The following DCC variants were observed in gnomAD, a reference collection of about 807,000 sequenced individuals.
DCC encodes the protein DCC netrin 1 receptor.
In DCC, 58 loss-of-function variants were observed where a neutral mutation model predicts 172.5. That is an observed-to-expected ratio of 0.34 (90% CI 0.27 to 0.42). DCC has a LOEUF of 0.42. DCC is among the 10% of genes least tolerant of loss of function. The pLI is 1.00. For missense variants in DCC, 1,740 were observed against 1,791.0 expected (o/e 0.97, Z 0.51); for synonymous variants, 709 against 644.5 (o/e 1.10, Z -1.52).
At chr18:53,003,022 T>C (rs1357176080) in intron 5 of DCC, among the ~76,000 whole-genome samples, 1 of 152,122 alleles carries the variant, frequency 6.6e-6, no homozygotes, top group Non-Finnish European at 1.5e-5. Flanking sequence ...ATATATTTTG[T>C]TTTGTAGGAG....
chr18:52,983,781 T>A (rs2041249461), intron 5 of DCC, among the ~76,000 whole-genome samples: 1 of 152,092 alleles, frequency 6.6e-6, no homozygotes, highest in African/African-American at 2.4e-5. Context: ...GCTGCAGAAA[T>A]TTACATTTTA....
chr18:53,128,287 T>C (rs947258878), intron 7 of DCC, among the ~76,000 whole-genome samples: 15 of 152,138 alleles, frequency 9.9e-5, no homozygotes, highest in African/African-American at 3.6e-4. Context: ...TCTAAGTTTT[T>C]ATTGGTAGTC....
chr18:52,916,475 C>A (rs754904088), intron 3 of DCC, among the ~76,000 whole-genome samples: 7 of 152,132 alleles, frequency 4.6e-5, no homozygotes, highest in Non-Finnish European at 1.0e-4. Context: ...GTGAGAGTAG[C>A]AAATGAGACT....
At chr18:53,305,527 C>G in intron 12 of DCC, 51 bp from the exon 13 acceptor site, 1 of 1,489,890 alleles carries the variant, frequency 6.7e-7, no homozygotes, top group African/African-American at 1.4e-5. Flanking sequence ...TGACCCTGTC[C>G]CATTGTCCTT....
At chr18:52,789,236 G>T (rs1180107063) in intron 2 of DCC, among the ~76,000 whole-genome samples, 2 of 151,972 alleles carry the variant, frequency 1.3e-5, no homozygotes, top group Non-Finnish European at 2.9e-5. Flanking sequence ...TTAATTCCTG[G>T]GGTTTTGTGA....
intron 24 of DCC, among the ~76,000 whole-genome samples, chr18:53,463,433 T>TTAAG (rs2045583233): frequency 6.6e-6 from 1 of 152,128 alleles, no homozygotes; most frequent in Non-Finnish European, 1.5e-5. Flanking sequence ...TTATGTTAAA[T>TTAAG]TAAGTATTCT....
chr18:53,073,221 A>G (rs910582058), intron 7 of DCC, among the ~76,000 whole-genome samples: 1 of 150,318 alleles, frequency 6.7e-6, no homozygotes, highest in African/African-American at 2.5e-5. Context: ...GAAGAGGAAG[A>G]CAAATAAAAA....
At chr18:53,397,572 T>C (rs763147168) in intron 18 of DCC, 126 bp downstream of exon 18, 16 of 996,478 alleles carry the variant, frequency 1.6e-5, no homozygotes, top group African/African-American at 9.6e-5. Context: ...GTTCATCCTC[T>C]ATAGTTCATA....
intron 7 of DCC, among the ~76,000 whole-genome samples, chr18:53,151,860 T>C (rs1192588047): frequency 6.6e-6 from 1 of 152,168 alleles, no homozygotes; most frequent in Admixed American, 6.5e-5. Context: ...GTTTTAATTA[T>C]ACACAACCAT....
At position 53,041,011 on chromosome 18, in the gene DCC, T is replaced by C. The variant is rs187307559; in HGVS notation, c.986-22294T>C. 3.9e-4 allele frequency among the ~76,000 whole-genome samples: 60 copies of C among 152,180 alleles called. 1 individual carries two copies. The East Asian group carries it at 0.011, about 29-fold the overall frequency. On this transcript the variant is annotated intron_variant, in intron 5 of 28. Coordinates refer to ENST00000442544, the MANE Select transcript of DCC (RefSeq NM_005215.4). ...CCTGTTCACTCTGATTATAGCTTCT[T>C]TTGCTGTGCAGAAGCTCTTTAGTTT...
At position 52,899,692 on chromosome 18, in the gene DCC, C is replaced by T. The variant is rs149723883; in HGVS notation, c.413-6352C>T. 2.6e-5 allele frequency among the ~76,000 whole-genome samples: 4 copies of T among 151,822 alleles called. No individual in the cohort carries two copies. In the East Asian group the frequency reaches 7.8e-4, roughly 30 times the overall value. ...TTTTTTTTTTATAGAGACAGAATCT[C>T]TCTATCGTGACCAAGTTGGTCTCAA... On this transcript the variant is annotated intron_variant, in intron 2 of 28. Coordinates refer to ENST00000442544, the MANE Select transcript of DCC (RefSeq NM_005215.4).
intron 2 of DCC, among the ~76,000 whole-genome samples, chr18:52,798,850 T>A (rs1176779337): frequency 6.6e-6 from 1 of 151,994 alleles, no homozygotes; most frequent in Non-Finnish European, 1.5e-5. Flanking sequence ...CCTCCCAGGT[T>A]CCAGTAATTC....
At chr18:53,043,736 A>G (rs1251303263) in intron 5 of DCC, among the ~76,000 whole-genome samples, 1 of 151,946 alleles carries the variant, frequency 6.6e-6, no homozygotes, top group Non-Finnish European at 1.5e-5. Context: ...TGTTTTAGAT[A>G]GTTTCTTCCT....
At chr18:52,868,486 G>A (rs2039264790) in intron 2 of DCC, among the ~76,000 whole-genome samples, 1 of 152,188 alleles carries the variant, frequency 6.6e-6, no homozygotes, top group Non-Finnish European at 1.5e-5. Context: ...TGTTGCAAAA[G>A]TATGACAGTA....
At chr18:52,971,509 GCGCACACACACACACACACGCA>G (rs1009888531) in intron 5 of DCC, among the ~76,000 whole-genome samples, 24 of 151,244 alleles carry the variant, frequency 1.6e-4, no homozygotes, top group Non-Finnish European at 2.9e-4. Flanking sequence ...GTGTGTGTGC[GCGCACACACACACACACACGCA>G]CGCACACACA....
chr18:53,071,695 CAG>C (rs1230706191), intron 7 of DCC, among the ~76,000 whole-genome samples: 2 of 152,070 alleles, frequency 1.3e-5, no homozygotes, highest in African/African-American at 4.8e-5. Flanking sequence ...GATCTGGGGA[CAG>C]AGTTTTATTG....
chr18:52,699,604 C>T (rs1416110607), intron 1 of DCC, among the ~76,000 whole-genome samples: 1 of 152,130 alleles, frequency 6.6e-6, no homozygotes, highest in Non-Finnish European at 1.5e-5. Context: ...TTGATAAATT[C>T]CCCAAACCCT....
At chr18:52,449,816 G>T (rs1247687610) in intron 1 of DCC, among the ~76,000 whole-genome samples, 2 of 152,158 alleles carry the variant, frequency 1.3e-5, no homozygotes, top group African/African-American at 4.8e-5. Context: ...ATAAAGGGCA[G>T]TTCCCCTGCA....
chr18:53,266,297 G>A (rs1423670283), intron 12 of DCC, among the ~76,000 whole-genome samples: 4 of 152,214 alleles, frequency 2.6e-5, no homozygotes, highest in Non-Finnish European at 5.9e-5. Flanking sequence ...TATGGGCCAT[G>A]TAATAGATGC....
Sources: allele counts gnomAD v4.1 joint callset (sites outside exome capture counted in the v4.1 genomes callset), GRCh38; gene constraint gnomAD v4.1.1; transcripts MANE v1.5; gene names NCBI Gene and HGNC (gene_info 2026-07-23, HGNC 2026-07-21).